TRIM33: variants seen among roughly 807,000 people sequenced by gnomAD.
The protein encoded by TRIM33 is E3 ubiquitin-protein ligase TRIM33.
In TRIM33, 20 loss-of-function variants were observed where a neutral mutation model predicts 125.4. The observed-to-expected ratio is 0.16, with a 90% CI of 0.11 to 0.23. TRIM33 has a LOEUF of 0.23. Ranked by LOEUF, TRIM33 falls within the 10% of genes least tolerant of loss-of-function variation. The pLI is 1.00. For synonymous variants in TRIM33, 564 were observed against 513.9 expected, an observed-to-expected ratio of 1.10 and a Z score of -1.32; for missense variants, 920 against 1,411.4, an observed-to-expected ratio of 0.65 and a Z score of 5.58.
chr1:114,481,712 T>C (rs1651371674), intron 1 of TRIM33, among the ~76,000 whole-genome samples: 2 of 151,698 alleles, frequency 1.3e-5, no homozygotes, highest in Non-Finnish European at 2.9e-5. Context: ...TATATTTTTT[T>C]ATATTGGTTT....
At position 114,446,567 on chromosome 1, in the gene TRIM33, G is replaced by C. The variant is rs115452554; in HGVS notation, c.924-12834C>G. Among the ~76,000 whole-genome samples the C allele has an allele frequency of 3.0e-3, 457 of 151,792 alleles. 1 individual carries two copies. The highest frequency in any genetic ancestry group is 0.011 in the African/African-American group (437 of 41,382). The stretch of plus-strand genomic sequence containing the variant: ...CACAGCAATCGCTAAAAATAATAAA[G>C]TACAGCTTAAAAAGCCAACAGTAGA... On this transcript the variant is annotated intron_variant, in intron 4 of 19. Coordinates refer to ENST00000358465, the MANE Select transcript of TRIM33 (RefSeq NM_015906.4).
chr1:114,510,208 C>T (rs1483503118), intron 1 of TRIM33, among the ~76,000 whole-genome samples: 1 of 152,152 alleles, frequency 6.6e-6, no homozygotes, highest in Non-Finnish European at 1.5e-5. Flanking sequence ...TCAGCCAAAA[C>T]GCTTCCTCAC....
At chr1:114,413,151 G>C (rs77513899) in intron 11 of TRIM33, among the ~76,000 whole-genome samples, 1,563 of 152,180 alleles carry the variant, frequency 0.01, 24 homozygotes, top group African/African-American at 0.035. Context: ...GTTTTTAATA[G>C]TAACATGTGA....
intron 4 of TRIM33, among the ~76,000 whole-genome samples, chr1:114,444,066 C>T (rs369014016): frequency 6.6e-6 from 1 of 152,120 alleles, no homozygotes; most frequent in Admixed American, 6.6e-5. Context: ...TCATAATCAT[C>T]CTACCTCTCT....
intron 1 of TRIM33, among the ~76,000 whole-genome samples, chr1:114,484,984 G>A (rs542510891): frequency 2.0e-5 from 3 of 151,712 alleles, no homozygotes; most frequent in South Asian, 4.2e-4. Context: ...CCTGGGAGGC[G>A]GAGGTTGCAG....
At chr1:114,503,258 A>C (rs1335088698) in intron 1 of TRIM33, among the ~76,000 whole-genome samples, 1 of 152,264 alleles carries the variant, frequency 6.6e-6, no homozygotes, top group East Asian at 1.9e-4. Flanking sequence ...AGGTGGGCAG[A>C]TCAACTGAGG....
intron 1 of TRIM33, among the ~76,000 whole-genome samples, chr1:114,479,726 A>G (rs1030376397): frequency 2.0e-5 from 3 of 151,532 alleles, no homozygotes; most frequent in African/African-American, 7.3e-5. Flanking sequence ...CAAAGTTGCT[A>G]TATTTTAACA....
chr1:114,436,304 A>T (rs533329326), intron 4 of TRIM33, among the ~76,000 whole-genome samples: 41 of 143,892 alleles, frequency 2.8e-4, no homozygotes, highest in African/African-American at 1.0e-3. Flanking sequence ...TGAGATGCGG[A>T]GGCAGGGGAA....
chr1:114,398,012 A>C, intron 18 of TRIM33, 22 bp from the exon 19 acceptor site: 1 of 353,218 alleles, frequency 2.8e-6, no homozygotes, highest in Admixed American at 1.9e-4. Context: ...ACCAGAGTCA[A>C]AAAAAAAAAA....
intron 4 of TRIM33, among the ~76,000 whole-genome samples, chr1:114,437,673 T>C (rs1648392777): frequency 1.3e-5 from 2 of 152,162 alleles, no homozygotes; most frequent in African/African-American, 2.4e-5. Flanking sequence ...TTAGTCACAA[T>C]GAACTATTCT....
chr1:114,498,960 T>A (rs1652549945), intron 1 of TRIM33, among the ~76,000 whole-genome samples: 1 of 151,656 alleles, frequency 6.6e-6, no homozygotes, highest in Admixed American at 6.6e-5. Context: ...AAACAACTGA[T>A]AAATAGATGA....
At chr1:114,495,365 T>C (rs1652311057) in intron 1 of TRIM33, among the ~76,000 whole-genome samples, 2 of 152,148 alleles carry the variant, frequency 1.3e-5, no homozygotes, top group South Asian at 4.1e-4. Flanking sequence ...TTTTACCACA[T>C]TACCTCGGTG....
chr1:114,457,909 G>GT (rs1354125151), intron 4 of TRIM33, among the ~76,000 whole-genome samples: 1 of 152,152 alleles, frequency 6.6e-6, no homozygotes, highest in Non-Finnish European at 1.5e-5. Flanking sequence ...GGACTGTTTC[G>GT]TAACTTTGAA....
intron 1 of TRIM33, among the ~76,000 whole-genome samples, chr1:114,472,821 AC>A (rs1650732652): frequency 6.6e-6 from 1 of 152,188 alleles, no homozygotes; most frequent in Non-Finnish European, 1.5e-5. Context: ...ATACACTGTT[AC>A]AATTAAACTG....
chr1:114,471,969 CTA>C (rs1400980390), intron 1 of TRIM33, among the ~76,000 whole-genome samples: 1 of 152,120 alleles, frequency 6.6e-6, no homozygotes, highest in East Asian at 1.9e-4. Flanking sequence ...TGTCATAAAG[CTA>C]TATATATCTT....
At chr1:114,463,957 T>C (rs1572086154) in intron 2 of TRIM33, among the ~76,000 whole-genome samples, 2 of 151,662 alleles carry the variant, frequency 1.3e-5, no homozygotes, top group Non-Finnish European at 2.9e-5. Flanking sequence ...TTTGTAGAGA[T>C]GGAGTCTCAC....
At chr1:114,456,962 A>C (rs1352703312) in intron 4 of TRIM33, among the ~76,000 whole-genome samples, 1 of 152,178 alleles carries the variant, frequency 6.6e-6, no homozygotes, top group Non-Finnish European at 1.5e-5. Context: ...CCAGAGTAGA[A>C]GCATCCTGTG....
rs914376198 is a variant in TRIM33 at position 114,402,665 on chromosome 1, C to CA, written c.2892+94dup. On this transcript the variant is annotated intron_variant, in intron 16 of 19. Coordinates refer to ENST00000358465, the MANE Select transcript of TRIM33 (RefSeq NM_015906.4). ...GACAGGATTAAAAATTAAATGTTAT[C>CA]AGGTTTTGTGTATGCTACACAGGAA... 5.9e-6 allele frequency: 8 copies of CA among 1,349,554 alleles called. No homozygotes were observed. The African/African-American group carries it at 1.2e-4, about 20-fold the overall frequency. 83.6% of individuals were successfully genotyped at this position (1,349,554 alleles called of 1,614,324 possible). A position where few individuals can be genotyped will look rare whatever the true frequency, so the allele number is the denominator to read the frequency against.
intron 1 of TRIM33, among the ~76,000 whole-genome samples, chr1:114,506,383 CA>C (rs370539194): frequency 0.037 from 3,334 of 89,834 alleles, 78 homozygotes; most frequent in African/African-American, 0.084. Context: ...AAAACTGTCT[CA>C]AAAAAAAAAA....
Sources: gnomAD v4.1 joint callset for allele counts (sites outside exome capture counted in the v4.1 genomes callset) on GRCh38, gnomAD v4.1.1 for gene constraint, MANE v1.5 for transcripts, NCBI Gene and HGNC (gene_info 2026-07-23, HGNC 2026-07-21) for gene names.